PLEKHM3: variants seen among roughly 807,000 people sequenced by gnomAD.
PLEKHM3 encodes the protein pleckstrin homology domain containing M3.
PLEKHM3 carries 45 observed loss-of-function variants against 81.8 expected under a neutral mutation model. The observed-to-expected ratio is 0.55, with a 90% CI of 0.43 to 0.71. The LOEUF (loss-of-function observed/expected upper bound fraction) is 0.71, where lower values mean the gene tolerates loss of function less well. Ranked by LOEUF, PLEKHM3 falls within the 30% of genes least tolerant of loss-of-function variation. The pLI is 0.00. For missense variants in PLEKHM3, 788 were observed against 924.3 expected, an observed-to-expected ratio of 0.85 and a Z score of 1.91; for synonymous variants, 352 against 356.4, an observed-to-expected ratio of 0.99 and a Z score of 0.14.
chr2:207,872,641 C>T (rs2092540713), intron 6 of PLEKHM3, among the ~76,000 whole-genome samples: 2 of 152,108 alleles, frequency 1.3e-5, no homozygotes, highest in Admixed American at 1.3e-4. Context: ...AGTTTGAGAC[C>T]AGCCTGGCCA....
At chr2:208,014,434 A>G (rs112845023) in intron 1 of PLEKHM3, among the ~76,000 whole-genome samples, 8,142 of 152,274 alleles carry the variant, frequency 0.053, 689 homozygotes, top group African/African-American at 0.18. Context: ...ACCTGAGGTC[A>G]GGAGTTTGGG....
At chr2:207,934,329 G>A (rs935310276) in intron 4 of PLEKHM3, among the ~76,000 whole-genome samples, 65 of 152,224 alleles carry the variant, frequency 4.3e-4, no homozygotes, top group African/African-American at 1.5e-3. Flanking sequence ...TGATAGTCAG[G>A]TGCAGATGAA....
At chr2:207,889,473 ACACACACACACG>A (rs1687985493) in intron 6 of PLEKHM3, among the ~76,000 whole-genome samples, 2 of 127,886 alleles carry the variant, frequency 1.6e-5, no homozygotes, top group African/African-American at 5.7e-5. Flanking sequence ...ACACACACAC[ACACACACACACG>A]GCCCTAACCA....
chr2:207,995,406 A>ATCTC (rs1692087253), intron 2 of PLEKHM3, among the ~76,000 whole-genome samples: 1 of 152,154 alleles, frequency 6.6e-6, no homozygotes, highest in African/African-American at 2.4e-5. Context: ...AACTACCCCC[A>ATCTC]TAGAGATTTA....
intron 7 of PLEKHM3, among the ~76,000 whole-genome samples, chr2:207,840,680 T>C (rs776012339): frequency 6.6e-6 from 1 of 152,192 alleles, no homozygotes; most frequent in Non-Finnish European, 1.5e-5. Context: ...TACTAATTTT[T>C]AAATATATCT....
chr2:207,921,990 C>T (rs1184010262), intron 5 of PLEKHM3, among the ~76,000 whole-genome samples: 1 of 152,164 alleles, frequency 6.6e-6, no homozygotes, highest in Non-Finnish European at 1.5e-5. Context: ...TTTCTTTTGG[C>T]TATACACCCA....
chr2:207,908,983 T>C (rs1177252338), intron 5 of PLEKHM3, among the ~76,000 whole-genome samples: 2 of 152,206 alleles, frequency 1.3e-5, no homozygotes, highest in African/African-American at 4.8e-5. Context: ...TCTCCAAATA[T>C]CTTTCTAGCT....
At chr2:207,842,708 C>T (rs761900431) in intron 7 of PLEKHM3, among the ~76,000 whole-genome samples, 2 of 151,982 alleles carry the variant, frequency 1.3e-5, no homozygotes, top group Non-Finnish European at 2.9e-5. Flanking sequence ...TGGATGGAAC[C>T]GATAGTCACA....
At chr2:207,960,434 G>A (rs1690689446) in intron 3 of PLEKHM3, among the ~76,000 whole-genome samples, 1 of 152,192 alleles carries the variant, frequency 6.6e-6, no homozygotes, top group East Asian at 1.9e-4. Context: ...AGGACATCAT[G>A]CCCTTCAGGA....
At chr2:207,861,450 G>C (rs2092466494) in intron 6 of PLEKHM3, among the ~76,000 whole-genome samples, 188 bp from the exon 7 acceptor site, 1 of 152,170 alleles carries the variant, frequency 6.6e-6, no homozygotes, top group Non-Finnish European at 1.5e-5. Flanking sequence ...TAAACCACTG[G>C]AGGTTGTAAA....
intron 1 of PLEKHM3, among the ~76,000 whole-genome samples, chr2:208,004,332 C>T (rs1692422167): frequency 6.6e-6 from 1 of 151,646 alleles, no homozygotes; most frequent in South Asian, 2.1e-4. Flanking sequence ...GGAGGAGGAT[C>T]ATTTGAACCA....
Position 207,843,082 on chromosome 2 carries a change from C to T in PLEKHM3, c.2109-14586G>A, listed in dbSNP as rs568726419. Among the ~76,000 whole-genome samples, 1 of 152,314 alleles carries T rather than the reference C, an allele frequency of 6.6e-6. No homozygotes were observed. The highest frequency in any genetic ancestry group is 1.9e-4 in the East Asian group (1 of 5,182). On this transcript the variant is annotated intron_variant, in intron 7 of 7. Transcript: ENST00000427836. This position sits in a 1 kb window ranked among gnomAD's most constrained non-coding sequence, Gnocchi z 4.4. ...CCTCCCACCACAGCTACCAGTGTAGCTAAAGCTACGGGTGCACACCACCAT... is the reference window on the plus strand; with the variant it reads ...CCTCCCACCACAGCTACCAGTGTAGTTAAAGCTACGGGTGCACACCACCAT...
intron 6 of PLEKHM3, among the ~76,000 whole-genome samples, chr2:207,891,319 T>A (rs1301632910): frequency 6.6e-6 from 1 of 152,264 alleles, no homozygotes; most frequent in Non-Finnish European, 1.5e-5. Context: ...GCATTCACTA[T>A]ATGCCAAACT....
chr2:207,910,033 C>T (rs531644281), intron 5 of PLEKHM3, among the ~76,000 whole-genome samples: 4 of 152,246 alleles, frequency 2.6e-5, no homozygotes, highest in Admixed American at 1.3e-4. Flanking sequence ...GGACCTCTCC[C>T]GGAAAGTAGG....
In PLEKHM3 at chr2:207,828,157, C is replaced by G. The variant is rs74326861; in HGVS notation, c.*162G>C. The G allele has an allele frequency of 2.1e-3, 1,055 of 510,174 alleles. 15 individuals carry two copies. The highest frequency in any genetic ancestry group is 0.019 in the African/African-American group (952 of 51,128). 31.6% of individuals were successfully genotyped at this position (510,174 alleles called of 1,614,324 possible). On this transcript the variant is annotated 3_prime_UTR_variant, in exon 8 of 8. Coordinates refer to ENST00000427836, the MANE Select transcript of PLEKHM3 (RefSeq NM_001080475.3). ...ATGTACACAGAGCATACGTACAGGA[C>G]GTATAGGTATTTGCGTATATATAAA... is the stretch of plus-strand genomic sequence containing the variant.
At chr2:207,880,783 A>AAAAAAAAAAAAAAC (rs1559219094) in intron 6 of PLEKHM3, among the ~76,000 whole-genome samples, 6 of 138,986 alleles carry the variant, frequency 4.3e-5, no homozygotes, top group African/African-American at 1.6e-4. Context: ...AAAAAAAAAA[A>AAAAAAAAAAAAAAC]AAAAACCAAA....
At position 207,822,573 on chromosome 2, in the gene PLEKHM3, T is replaced by C. The variant is rs1321593072; in HGVS notation, c.*5746A>G. On this transcript the variant is annotated 3_prime_UTR_variant, in exon 8 of 8. Transcript: ENST00000427836. ...TTGCATTTCCTGGTAAAAGTGCTAA[T>C]GGCACTAAGAAGCCAATGTTTGTAC... is the stretch of plus-strand genomic sequence containing the variant. 6.5e-6 allele frequency: 1 copy of C among 152,896 alleles called. No individual in the cohort carries two copies. The highest frequency in any genetic ancestry group is 1.5e-5 in the Non-Finnish European group (1 of 68,090). The allele number at this position is 152,896 out of a possible 1,614,324, so 9.5% of individuals were successfully genotyped here. A position where few individuals can be genotyped will look rare whatever the true frequency, so the allele number is the denominator to read the frequency against.
In PLEKHM3 at chr2:207,925,959, T is replaced by C. The variant is rs576182123; in HGVS notation, c.1886+4967A>G. Among the ~76,000 whole-genome samples the C allele has an allele frequency of 7.2e-5, 11 of 151,990 alleles. No individual in the cohort carries two copies. In the East Asian group the frequency reaches 2.1e-3, roughly 29 times the overall value. ...ATGAACTTCCTGACCGAGTTACGGA[T>C]CTAGTATCTGAGACATCGACAAACT... is the stretch of plus-strand genomic sequence containing the variant. On this transcript the variant is annotated intron_variant, in intron 5 of 7. Transcript: ENST00000427836.
rs561806903 is a variant in PLEKHM3 at position 207,971,538 on chromosome 2, T to G, written c.1546+5113A>C. Reference sequence around the variant, plus strand: ...ACTATGTACCCCATAAAGATGTATATTGTGTCAATTAAAACTTTTTTTAAC... The same window carrying G: ...ACTATGTACCCCATAAAGATGTATAGTGTGTCAATTAAAACTTTTTTTAAC... On this transcript the variant is annotated intron_variant, in intron 3 of 7. Coordinates refer to ENST00000427836, the MANE Select transcript of PLEKHM3 (RefSeq NM_001080475.3). Among the ~76,000 whole-genome samples the G allele has an allele frequency of 4.7e-4, 71 of 151,980 alleles. No individual in the cohort carries two copies. The East Asian group carries it at 0.012, about 26-fold the overall frequency.
Sources: allele counts gnomAD v4.1 joint callset (sites outside exome capture counted in the v4.1 genomes callset), GRCh38; gene constraint gnomAD v4.1.1; non-coding constraint Gnocchi (gnomAD v3.1); transcripts MANE v1.5; gene names NCBI Gene and HGNC (gene_info 2026-07-23, HGNC 2026-07-21).